Variants in TFDP2 observed in about 807,000 individuals in gnomAD.
TFDP2 encodes the protein transcription factor Dp-2 (E2F dimerization partner 2).
TFDP2 carries 17 observed loss-of-function variants against 59.3 expected under a neutral mutation model. That is an observed-to-expected ratio of 0.29 (90% CI 0.20 to 0.43). The LOEUF is 0.43. Ranked by LOEUF, TFDP2 falls within the 20% of genes least tolerant of loss-of-function variation. The probability of loss-of-function intolerance (pLI) is 1.00; values close to 1 mark genes in which losing one functional copy is unlikely to be tolerated. For synonymous variants in TFDP2, 180 were observed against 194.7 expected (o/e 0.92, Z 0.63); for missense variants, 391 against 528.8 (o/e 0.74, Z 2.56).
chr3:142,029,464 GT>G (rs11569167), intron 3 of TFDP2, among the ~76,000 whole-genome samples: 107,311 of 151,110 alleles, frequency 0.71, 38,024 homozygotes, highest in East Asian at 0.78. Flanking sequence ...TGTTGTCCTG[GT>G]TTTTTTTTAA....
In TFDP2 at chr3:141,984,493, C is replaced by CA. The variant is rs373294876; in HGVS notation, c.357-5812dup. Among the ~76,000 whole-genome samples the CA allele has an allele frequency of 3.0e-3, 444 of 146,490 alleles. 3 individuals are homozygous for CA. The highest frequency in any genetic ancestry group is 0.01 in the African/African-American group (403 of 39,770). Reference sequence around the variant, plus strand: ...CTGGCGACAGAGCGAAACTCCGTCTCAAAAAAAAAATAAAAAGATATTGTA... The same window carrying CA: ...CTGGCGACAGAGCGAAACTCCGTCTCAAAAAAAAAAATAAAAAGATATTGTA... On this transcript the variant is annotated intron_variant, in intron 6 of 12. Coordinates refer to ENST00000489671, the MANE Select transcript of TFDP2 (RefSeq NM_001178139.2).
chr3:142,047,934 G>GT (rs1947427809), intron 3 of TFDP2, among the ~76,000 whole-genome samples: 1 of 151,896 alleles, frequency 6.6e-6, no homozygotes, highest in East Asian at 2.0e-4. Flanking sequence ...TAGAGACGCG[G>GT]TCTCACCACG....
chr3:141,975,952 C>T (rs1388236097), intron 7 of TFDP2, among the ~76,000 whole-genome samples: 1 of 152,068 alleles, frequency 6.6e-6, no homozygotes, highest in Non-Finnish European at 1.5e-5. Context: ...GAGATCTCAG[C>T]TCACTGCAAC....
intron 8 of TFDP2, among the ~76,000 whole-genome samples, chr3:141,973,117 A>AT (rs1341899168): frequency 2.2e-5 from 2 of 91,860 alleles, no homozygotes; most frequent in Non-Finnish European, 2.4e-5. Flanking sequence ...ATATATATAT[A>AT]TATATATTTT....
Position 141,952,316 on chromosome 3 carries a change from G to C in TFDP2, c.*197C>G, listed in dbSNP as rs186644047. On this transcript the variant is annotated 3_prime_UTR_variant, in exon 13 of 13. Coordinates refer to ENST00000489671, the MANE Select transcript of TFDP2 (RefSeq NM_001178139.2). The stretch of plus-strand genomic sequence containing the variant: ...ATATCATCTACTGCTCTGTTGGCCA[G>C]ACTTTCATTCACACTATGTTAACTT... 1.0e-5 allele frequency: 5 copies of C among 489,896 alleles called. No individual in the cohort carries two copies. Among genetic ancestry groups the C allele is most frequent in the Non-Finnish European group, 1.7e-5 (5 of 289,268 alleles). 30.3% of individuals were successfully genotyped at this position (489,896 alleles called of 1,614,324 possible).
intron 3 of TFDP2, among the ~76,000 whole-genome samples, chr3:142,087,017 C>A (rs138754226): frequency 6.6e-6 from 1 of 152,224 alleles, no homozygotes; most frequent in East Asian, 1.9e-4. Flanking sequence ...CCAAATATTA[C>A]AACAAAAGAT....
In TFDP2 at chr3:142,121,597, C is replaced by G. The variant is rs1374107357; in HGVS notation, c.-92-19756G>C. On this transcript the variant is annotated intron_variant, in intron 1 of 12. Coordinates refer to ENST00000489671, the MANE Select transcript of TFDP2 (RefSeq NM_001178139.2). This position sits in a 1 kb window ranked among gnomAD's most constrained non-coding sequence, Gnocchi z 4.3. ...TGTATTAAACCAGCTAAAGTGGCTT[C>G]TAATTCTTTTGTAAGCAGGTGAGCA... Among the ~76,000 whole-genome samples the G allele has an allele frequency of 6.6e-6, 1 of 152,158 alleles. No homozygotes were observed. The highest frequency in any genetic ancestry group is 2.4e-5 in the African/African-American group (1 of 41,422).
In TFDP2 at chr3:142,096,817, C is replaced by A. The variant is rs528904779; in HGVS notation, c.16-3690G>T. ...CTCTACCTTTCACAGGCAAGGTGAT[C>A]GTGGAACGGTCACTACAAAATGGGA... On this transcript the variant is annotated intron_variant, in intron 2 of 12. Transcript: ENST00000489671. Among the ~76,000 whole-genome samples the A allele has an allele frequency of 2.0e-5, 3 of 152,226 alleles. No homozygotes were observed. The East Asian group carries it at 5.8e-4, about 29-fold the overall frequency.
intron 1 of TFDP2, among the ~76,000 whole-genome samples, chr3:142,140,649 T>TGGAGGTCCACTCCAGACCCCGTTTGCC (rs2062913335): frequency 1.3e-5 from 2 of 152,232 alleles, no homozygotes; most frequent in Non-Finnish European, 2.9e-5. Context: ...TGGAGTTTGC[T>TGGAGGTCCACTCCAGACCCCGTTTGCC]GGAGGTCCAC....
At chr3:141,969,994 C>A in intron 9 of TFDP2, 79 bp downstream of exon 9, 1 of 1,407,414 alleles carries the variant, frequency 7.1e-7, no homozygotes, top group South Asian at 1.2e-5. Context: ...AGAGGCACCA[C>A]AATTAGAAAA....
chr3:142,140,822 G>A (rs2089761), intron 1 of TFDP2, among the ~76,000 whole-genome samples: 1 of 152,206 alleles, frequency 6.6e-6, no homozygotes, highest in African/African-American at 2.4e-5. Context: ...GTGTCTCCCA[G>A]TTAGGCTACA....
chr3:142,088,627 T>C (rs187877245), intron 3 of TFDP2, among the ~76,000 whole-genome samples: 12,212 of 149,482 alleles, frequency 0.082, 537 homozygotes, highest in Middle Eastern at 0.13. Flanking sequence ...TTTTTTTTTT[T>C]TGAGACAGGG....
intron 3 of TFDP2, among the ~76,000 whole-genome samples, chr3:142,054,948 A>G (rs1167846880): frequency 6.6e-6 from 1 of 152,230 alleles, no homozygotes; most frequent in Non-Finnish European, 1.5e-5. Context: ...GTTATACTTG[A>G]ACCTGATTTT....
intron 1 of TFDP2, among the ~76,000 whole-genome samples, chr3:142,125,159 T>C (rs1174084797): frequency 6.6e-6 from 1 of 152,182 alleles, no homozygotes; most frequent in Non-Finnish European, 1.5e-5. Flanking sequence ...TGAGCTATTA[T>C]CATGTAACTG....
At chr3:142,063,756 A>C (rs2108523132) in intron 3 of TFDP2, among the ~76,000 whole-genome samples, 1 of 152,312 alleles carries the variant, frequency 6.6e-6, no homozygotes, top group South Asian at 2.1e-4. Flanking sequence ...CCTCTCAATA[A>C]AGCAAAAGAT....
At chr3:142,026,687 CTTCT>C (rs1946122953) in intron 3 of TFDP2, among the ~76,000 whole-genome samples, 1 of 152,140 alleles carries the variant, frequency 6.6e-6, no homozygotes, top group African/African-American at 2.4e-5. Flanking sequence ...CAGCATAGGA[CTTCT>C]TTGTGTTACT....
chr3:142,131,166 A>G (rs1439704634), intron 1 of TFDP2, among the ~76,000 whole-genome samples: 1 of 150,254 alleles, frequency 6.7e-6, no homozygotes, highest in African/African-American at 2.5e-5. Flanking sequence ...CTCTATAAAC[A>G]TAGACAAATT....
chr3:141,982,395 T>A (rs1044968964), intron 6 of TFDP2, among the ~76,000 whole-genome samples: 3 of 151,998 alleles, frequency 2.0e-5, no homozygotes, highest in Non-Finnish European at 4.4e-5. Context: ...TCTTTTTTTT[T>A]AAAAGACTAC....
intron 3 of TFDP2, among the ~76,000 whole-genome samples, chr3:142,041,283 T>C (rs1047708277): frequency 5.9e-5 from 9 of 152,254 alleles, no homozygotes; most frequent in Admixed American, 4.6e-4. Flanking sequence ...TAACAGTATC[T>C]TTCTCAGAGT....
Sources: gnomAD v4.1 joint callset for allele counts (sites outside exome capture counted in the v4.1 genomes callset) on GRCh38, gnomAD v4.1.1 for gene constraint, Gnocchi (gnomAD v3.1) non-coding constraint, MANE v1.5 for transcripts, NCBI Gene and HGNC (gene_info 2026-07-23, HGNC 2026-07-21) for gene names.